The following MIS18BP1 variants were observed in gnomAD, a reference collection of about 807,000 sequenced individuals.
MIS18BP1 encodes MIS18 binding protein 1.
In MIS18BP1, 72 loss-of-function variants were observed where a neutral mutation model predicts 116.1. That is an observed-to-expected ratio of 0.62 (90% confidence interval 0.51 to 0.75). The LOEUF is 0.75. MIS18BP1 is among the 30% of genes least tolerant of loss of function. The pLI is 0.00. For missense variants in MIS18BP1, 1,363 were observed against 1,303.2 expected (o/e 1.05, Z -0.71); for synonymous variants, 386 against 427.0 (o/e 0.90, Z 1.18).
At chr14:45,229,831 C>T (rs1446917059) in intron 8 of MIS18BP1, among the ~76,000 whole-genome samples, 2 of 152,084 alleles carry the variant, frequency 1.3e-5, no homozygotes, top group East Asian at 3.9e-4. Context: ...ACTCAAGATG[C>T]TCCAGCAATA....
chr14:45,231,038 T>C (rs748268884), intron 8 of MIS18BP1, 103 bp downstream of exon 8: 9 of 1,186,158 alleles, frequency 7.6e-6, no homozygotes, highest in Non-Finnish European at 1.0e-5. Context: ...CAAAGAATAC[T>C]ATACTATACA....
intron 2 of MIS18BP1, 32 bp downstream of exon 2, chr14:45,246,711 T>C: frequency 6.6e-7 from 1 of 1,524,184 alleles, no homozygotes; most frequent in African/African-American, 1.4e-5. Context: ...ACTTAAGACA[T>C]TACAGCTTTT....
rs534424273 is a variant in MIS18BP1, at chr14:45,252,165, T to C, written c.-92+870A>G. 2.6e-5 allele frequency among the ~76,000 whole-genome samples: 4 copies of C among 152,282 alleles called. No homozygotes were observed. In the East Asian group the frequency reaches 7.7e-4, roughly 29 times the overall value. On this transcript the variant is annotated intron_variant, in intron 1 of 16. Transcript: ENST00000310806. The stretch of plus-strand genomic sequence containing the variant: ...CTACCCGACTCCATAGCTTCAGTTA[T>C]TTACCAACAGGCAACAGTCTACACA...
In MIS18BP1 at chr14:45,240,462, C is replaced by T. The variant is rs557592828; in HGVS notation, c.1143+1572G>A. On this transcript the variant is annotated intron_variant, in intron 4 of 16. Transcript: ENST00000310806. ...ATTGCCCCCTCAATTTTCTCCCTACCTACACGCACTCTCTAGGCTGTATTT... is the reference window on the plus strand; with the variant it reads ...ATTGCCCCCTCAATTTTCTCCCTACTTACACGCACTCTCTAGGCTGTATTT... Among the ~76,000 whole-genome samples the T allele has an allele frequency of 3.3e-5, 5 of 151,910 alleles. No individual in the cohort carries two copies. In the South Asian group the frequency reaches 1.0e-3, roughly 32 times the overall value.
chr14:45,250,575 A>C (rs189039688), intron 1 of MIS18BP1, among the ~76,000 whole-genome samples: 30 of 152,352 alleles, frequency 2.0e-4, no homozygotes, highest in East Asian at 1.5e-3. Context: ...CTCAGACTGG[A>C]GAAAGTATGT....
At chr14:45,210,128 T>G (rs1890633114) in intron 14 of MIS18BP1, 1 of 294,338 alleles carries the variant, frequency 3.4e-6, no homozygotes. Flanking sequence ...TTTTTAAAGT[T>G]TTTTACAAGT....
chr14:45,237,721 C>T lies in MIS18BP1; in HGVS notation c.1144G>A (p.Val382Ile). ...TVTNGLKKNQ[V>I]VQLQEWMIKS... is the part of the protein sequence containing the mutation. ...ATCATCCATTCCTGTAGCTGAACTA[C>T]CTAATCAAGTATAAAACAAAGAACA... Residue 382 changes from valine (V) to isoleucine (I), a missense_variant and splice_region_variant, in exon 5 of 17, where the codon GTA becomes ATA. By Grantham distance (29) the Val-to-Ile change is conservative. Coordinates refer to ENST00000310806, the MANE Select transcript of MIS18BP1 (RefSeq NM_018353.5). 1 of 1,598,224 alleles carries T rather than the reference C, an allele frequency of 6.3e-7. No homozygotes were observed. The highest frequency in any genetic ancestry group is 1.1e-5 in the South Asian group (1 of 87,952).
intron 14 of MIS18BP1, among the ~76,000 whole-genome samples, chr14:45,209,444 C>T (rs1890616480): frequency 6.6e-6 from 1 of 152,096 alleles, no homozygotes; most frequent in Non-Finnish European, 1.5e-5. Flanking sequence ...CCTTCTACAT[C>T]AGCCTCCCTA....
At chr14:45,237,014 T>A (rs1015575596) in intron 5 of MIS18BP1, among the ~76,000 whole-genome samples, 2 of 98,318 alleles carry the variant, frequency 2.0e-5, no homozygotes, top group South Asian at 6.0e-4. Flanking sequence ...AGTTATAACT[T>A]TTTTTTTTTT....
intron 15 of MIS18BP1, 83 bp downstream of exon 15, chr14:45,206,000 T>C: frequency 1.2e-6 from 1 of 846,648 alleles, no homozygotes; most frequent in East Asian, 2.6e-5. Flanking sequence ...GGACAGGGAC[T>C]GTTACATGAC....
rs1268884527 is a variant in MIS18BP1 at position 45,210,503 on chromosome 14, T to C, written c.3029A>G (p.Asp1010Gly). ...ILLPSFQDSE[D>G]DDDILPNMDK... The stretch of plus-strand genomic sequence containing the variant: ...CATATTTGGCAGAATATCATCATCA[T>C]CTTCACTGTCCTGGAAACTTGGCAA... The change falls in exon 14 of 17, where the codon GAT becomes GGT. Residue 1010 changes from aspartate to glycine, a missense_variant. Physicochemically the swap from Asp to Gly is moderately conservative, Grantham distance 94. Coordinates refer to ENST00000310806, the MANE Select transcript of MIS18BP1 (RefSeq NM_018353.5). 1.9e-6 allele frequency: 3 copies of C among 1,614,064 alleles called. No individual in the cohort carries two copies. Among genetic ancestry groups the C allele is most frequent in the Admixed American group, 1.7e-5 (1 of 60,016 alleles).
chr14:45,240,553 T>C (rs115335440), intron 4 of MIS18BP1, among the ~76,000 whole-genome samples: 2,990 of 152,142 alleles, frequency 0.02, 92 homozygotes, highest in African/African-American at 0.068. Context: ...CAGCACAGAA[T>C]ATTCTTCTCA....
Position 45,224,346 on chromosome 14 carries a change from T to C in MIS18BP1, c.2241A>G (p.Leu747=), listed in dbSNP as rs377173703. ...TTTCTATTTTCTTCAATTTTGGTAATAGTCTGGTATTTTTCTTAAAGTCAG... is the reference window on the plus strand; with the variant it reads ...TTTCTATTTTCTTCAATTTTGGTAACAGTCTGGTATTTTTCTTAAAGTCAG... ...LTSDFKKNTR[L]LPKLKKIENQ... Residue 747 remains leucine, a synonymous_variant, in exon 11 of 17, where the codon CTA becomes CTG. Coordinates refer to ENST00000310806, the MANE Select transcript of MIS18BP1 (RefSeq NM_018353.5). 23 of 1,613,648 alleles carry C rather than the reference T, an allele frequency of 1.4e-5. No homozygotes were observed. Among genetic ancestry groups the C allele is most frequent in the African/African-American group, 4.0e-5 (3 of 74,986 alleles).
chr14:45,215,743 G>C (rs1890799943), intron 13 of MIS18BP1, among the ~76,000 whole-genome samples: 3 of 135,578 alleles, frequency 2.2e-5, no homozygotes, highest in Non-Finnish European at 4.7e-5. Flanking sequence ...CTCACACTCT[G>C]GCCCAGGCTG....
chr14:45,226,716 A>AT, intron 10 of MIS18BP1, 27 bp downstream of exon 10: 1 of 1,324,854 alleles, frequency 7.5e-7, no homozygotes, highest in Non-Finnish European at 9.9e-7. Flanking sequence ...TCTGCTTATG[A>AT]TTAAAAAACC....
In MIS18BP1 at chr14:45,217,107, T is replaced by G. The variant is rs1403668751; in HGVS notation, c.2915A>C (p.Gln972Pro). 1.2e-6 allele frequency: 2 copies of G among 1,614,174 alleles called. No individual in the cohort carries two copies. The highest frequency in any genetic ancestry group is 4.5e-5 in the East Asian group (2 of 44,874). Residue 972 changes from glutamine (Q) to proline (P), a missense_variant, in exon 13 of 17, where the codon CAA (glutamine) becomes CCA (proline). By Grantham distance (76) the Gln-to-Pro change is moderately conservative (BLOSUM62 -1). Transcript: ENST00000310806. ...CTGTTCCAGAAATTCCCTCATCTGTTGCTTCCTTTTAAGAGTTCCCACTTT... is the reference window on the plus strand; with the variant it reads ...CTGTTCCAGAAATTCCCTCATCTGTGGCTTCCTTTTAAGAGTTCCCACTTT... Reference protein sequence around the residue: ...TAKVGTLKRKQQMREFLEQLP... With the variant: ...TAKVGTLKRKPQMREFLEQLP...
chr14:45,249,074 GT>G (rs61518693), intron 1 of MIS18BP1, among the ~76,000 whole-genome samples: 3,619 of 142,414 alleles, frequency 0.025, 138 homozygotes, highest in African/African-American at 0.087. Context: ...CCTCAGCTAT[GT>G]TTTTTTTTTT....
chr14:45,205,037 C>T (rs1347908749), intron 15 of MIS18BP1, among the ~76,000 whole-genome samples: 1 of 152,064 alleles, frequency 6.6e-6, no homozygotes, highest in African/African-American at 2.4e-5. Context: ...ACACACATTA[C>T]AATGCTTATC....
intron 5 of MIS18BP1, among the ~76,000 whole-genome samples, chr14:45,237,156 G>A (rs914236529): frequency 2.0e-5 from 3 of 151,932 alleles, no homozygotes; most frequent in Admixed American, 6.6e-5. Flanking sequence ...AGCAGAATTA[G>A]GTAAAGCCCA....
Sources: allele counts gnomAD v4.1 joint callset (sites outside exome capture counted in the v4.1 genomes callset), GRCh38; gene constraint gnomAD v4.1.1; transcripts MANE v1.5; gene names NCBI Gene and HGNC (gene_info 2026-07-23, HGNC 2026-07-21).